The following MAF variants were observed in gnomAD, a reference collection of about 807,000 sequenced individuals.
MAF encodes transcription factor Maf.
A neutral mutation model predicts 22.0 loss-of-function variants in MAF; 10 were observed. That is an observed-to-expected ratio of 0.45 (90% confidence interval 0.28 to 0.77). The LOEUF (loss-of-function observed/expected upper bound fraction) is 0.77, where lower values mean the gene tolerates loss of function less well. Among genes scored for constraint, MAF ranks in the 30% least tolerant of loss-of-function variants. MAF has a pLI of 0.12. For synonymous variants in MAF, 337 were observed against 255.8 expected, an observed-to-expected ratio of 1.32 and a Z score of -3.03; for missense variants, 544 against 548.4, an observed-to-expected ratio of 0.99 and a Z score of 0.08.
chr16:79,585,884 T>A (rs1384095703), exon 2 of MAF: 1 of 674,774 alleles, frequency 1.5e-6, no homozygotes, highest in African/African-American at 1.8e-5. Context: ...ATGTACCTCT[T>A]TGACTTCAGG....
At chr16:79,393,483 G>T in the MAF span, among the ~76,000 whole-genome samples, 6 of 152,230 alleles carry the variant, frequency 3.9e-5, no homozygotes, top group African/African-American at 1.4e-4. Context: ...AGAGGATAAT[G>T]CAGAAGACCA....
chr16:79,448,219 G>T, the MAF span, among the ~76,000 whole-genome samples: 5 of 152,108 alleles, frequency 3.3e-5, no homozygotes, highest in African/African-American at 1.2e-4. Flanking sequence ...GCCAATGAAT[G>T]CAGCAAACTT....
At chr16:79,541,097 T>C in the MAF span, among the ~76,000 whole-genome samples, 4 of 152,192 alleles carry the variant, frequency 2.6e-5, no homozygotes, top group Non-Finnish European at 4.4e-5. Flanking sequence ...CTGTTACTAC[T>C]AGAGCTGCTG....
the MAF span, among the ~76,000 whole-genome samples, chr16:79,450,270 G>C: frequency 6.6e-6 from 1 of 152,142 alleles, no homozygotes; most frequent in Non-Finnish European, 1.5e-5. Context: ...GTCATTTTCA[G>C]TGCTCCTTAT....
At chr16:79,450,181 G>T in the MAF span, among the ~76,000 whole-genome samples, 1 of 152,196 alleles carries the variant, frequency 6.6e-6, no homozygotes, top group African/African-American at 2.4e-5. Context: ...CGAGTAAAGT[G>T]TTGTTTAAAA....
intron 1 of MAF, chr16:79,595,128 A>C: frequency 9.9e-7 from 1 of 1,013,466 alleles, no homozygotes; most frequent in Non-Finnish European, 1.2e-6. Context: ...GATGAGGAAA[A>C]AAAAAAAAAA....
At chr16:79,570,158 G>C in the MAF span, among the ~76,000 whole-genome samples, 3 of 152,046 alleles carry the variant, frequency 2.0e-5, no homozygotes, top group African/African-American at 7.2e-5. Context: ...CATGCTGTTG[G>C]ACATATCTGC....
At chr16:79,375,877 G>A in the MAF span, among the ~76,000 whole-genome samples, 1 of 152,126 alleles carries the variant, frequency 6.6e-6, no homozygotes, top group Non-Finnish European at 1.5e-5. Context: ...GAGAACAAAG[G>A]ACTTCATAAG....
the MAF span, among the ~76,000 whole-genome samples, chr16:79,545,439 C>A: frequency 1.3e-5 from 2 of 151,994 alleles, no homozygotes; most frequent in African/African-American, 4.8e-5. Flanking sequence ...AAGTGTGGCA[C>A]CCATTTGAGC....
chr16:79,489,023 CAACTT>C, the MAF span, among the ~76,000 whole-genome samples: 1 of 152,172 alleles, frequency 6.6e-6, no homozygotes, highest in African/African-American at 2.4e-5. Flanking sequence ...CTCAACTACT[CAACTT>C]AATTTGTTGA....
chr16:79,489,885 G>A, the MAF span, among the ~76,000 whole-genome samples: 2 of 152,162 alleles, frequency 1.3e-5, no homozygotes, highest in Non-Finnish European at 1.5e-5. Flanking sequence ...GACAAGGGTG[G>A]TCAGGGCCCC....
the MAF span, among the ~76,000 whole-genome samples, chr16:79,457,243 G>T: frequency 8.5e-5 from 13 of 152,084 alleles, no homozygotes; most frequent in Non-Finnish European, 1.8e-4. Flanking sequence ...TTCACCATAG[G>T]TTGACATGGC....
the MAF span, among the ~76,000 whole-genome samples, chr16:79,403,848 T>C: frequency 6.6e-6 from 1 of 152,132 alleles, no homozygotes; most frequent in Non-Finnish European, 1.5e-5. Context: ...GAGGCTCAGA[T>C]GGATTTCACA....
At chr16:79,296,108 C>A in the MAF span, among the ~76,000 whole-genome samples, 6,805 of 152,284 alleles carry the variant, frequency 0.045, 497 homozygotes, top group African/African-American at 0.15. Context: ...GTCTCACTTG[C>A]TCTTTCTTAG....
the MAF span, among the ~76,000 whole-genome samples, chr16:79,336,349 G>C: frequency 6.6e-6 from 1 of 152,220 alleles, no homozygotes; most frequent in Non-Finnish European, 1.5e-5. Context: ...GGCACAGAAA[G>C]TTTAAGCAAC....
the MAF span, among the ~76,000 whole-genome samples, chr16:79,445,894 TC>T: frequency 6.6e-6 from 1 of 152,212 alleles, no homozygotes; most frequent in Non-Finnish European, 1.5e-5. Flanking sequence ...ACATGACCAT[TC>T]TTTTGAGCAG....
the MAF span, chr16:79,211,752 A>C: frequency 6.2e-7 from 1 of 1,614,206 alleles, no homozygotes; most frequent in East Asian, 2.2e-5. Context: ...GTGGGCGCTC[A>C]GCGAGAGGCT....
the MAF span, among the ~76,000 whole-genome samples, chr16:79,487,055 C>T: frequency 2.0e-5 from 3 of 152,074 alleles, no homozygotes; most frequent in Non-Finnish European, 4.4e-5. Context: ...AGTTCCACTC[C>T]TTTTTGCAAA....
At chr16:79,551,958 T>A in the MAF span, among the ~76,000 whole-genome samples, 2 of 152,120 alleles carry the variant, frequency 1.3e-5, no homozygotes, top group African/African-American at 2.4e-5. Flanking sequence ...TTCTGCCTCC[T>A]GCTTCGACAC....
Sources: gnomAD v4.1 joint callset for allele counts (sites outside exome capture counted in the v4.1 genomes callset) on GRCh38, gnomAD v4.1.1 for gene constraint, MANE v1.5 for transcripts, NCBI Gene and HGNC (gene_info 2026-07-23, HGNC 2026-07-21) for gene names.